EPB41L2: variants seen among roughly 807,000 people sequenced by gnomAD.
EPB41L2 encodes the protein erythrocyte membrane protein band 4.1 like 2, also known as band 4.1-like protein 2.
A neutral mutation model predicts 113.0 loss-of-function variants in EPB41L2; 43 were observed. The ratio of observed to expected loss-of-function variants is 0.38; its 90% CI spans 0.30 to 0.49. EPB41L2 has a LOEUF of 0.49. EPB41L2 is among the 20% of genes least tolerant of loss of function. EPB41L2 has a pLI of 0.95. For missense variants in EPB41L2, 1,147 were observed against 1,223.4 expected, an observed-to-expected ratio of 0.94 and a Z score of 0.93; for synonymous variants, 442 against 436.7, an observed-to-expected ratio of 1.01 and a Z score of -0.15.
chr6:131,008,413 G>T (rs1786104877), intron 1 of EPB41L2, among the ~76,000 whole-genome samples: 1 of 152,272 alleles, frequency 6.6e-6, no homozygotes, highest in Admixed American at 6.5e-5. Flanking sequence ...TGTCTAGGCA[G>T]AAGTTTGCTG....
At chr6:130,874,309 A>G (rs1786774296) in intron 14 of EPB41L2, among the ~76,000 whole-genome samples, 2 of 152,106 alleles carry the variant, frequency 1.3e-5, no homozygotes, top group Non-Finnish European at 2.9e-5. Context: ...AAAAAGCTAT[A>G]AAAGCCCATA....
At chr6:130,972,073 C>T in intron 1 of EPB41L2, among the ~76,000 whole-genome samples, 1 of 152,080 alleles carries the variant, frequency 6.6e-6, no homozygotes. Context: ...CCTGTAACAC[C>T]AGAATTTTGT....
chr6:130,848,260 G>A (rs187820191), intron 19 of EPB41L2, among the ~76,000 whole-genome samples: 30 of 146,512 alleles, frequency 2.0e-4, no homozygotes, highest in African/African-American at 7.3e-4. Flanking sequence ...AAACTGCATC[G>A]TGCCATATTA....
At chr6:131,047,570 A>C (rs568791309) in intron 1 of EPB41L2, among the ~76,000 whole-genome samples, 18 of 152,346 alleles carry the variant, frequency 1.2e-4, no homozygotes, top group African/African-American at 4.3e-4. Flanking sequence ...CACTTCGACC[A>C]TTAAGTGATT....
At chr6:130,894,498 A>G in intron 9 of EPB41L2, 57 bp from the exon 10 acceptor site, 1 of 1,483,550 alleles carries the variant, frequency 6.7e-7, no homozygotes, top group Non-Finnish European at 9.4e-7. Context: ...ACTAGAAGTT[A>G]CTGAAAAGCA....
intron 3 of EPB41L2, among the ~76,000 whole-genome samples, chr6:130,945,165 A>G (rs1333314749): frequency 6.6e-6 from 1 of 152,172 alleles, no homozygotes; most frequent in Non-Finnish European, 1.5e-5. Context: ...CAGATCCTCT[A>G]CAAATATGTA....
At chr6:131,048,078 C>T (rs571207382) in intron 1 of EPB41L2, among the ~76,000 whole-genome samples, 2 of 134,224 alleles carry the variant, frequency 1.5e-5, no homozygotes, top group Non-Finnish European at 3.0e-5. Context: ...GCAGAGGTTG[C>T]AGTGAGCCGA....
At chr6:130,851,540 T>C (rs1383004741) in intron 19 of EPB41L2, among the ~76,000 whole-genome samples, 1 of 152,214 alleles carries the variant, frequency 6.6e-6, no homozygotes, top group Non-Finnish European at 1.5e-5. Flanking sequence ...AGTGGCTCCA[T>C]GACACCTAAT....
rs188174534 is a variant in EPB41L2 at position 131,009,312 on chromosome 6, T to A, written c.-14-52813A>T. ...GCTGCCTTCCACCATGATTGTAAGCTTCCTGAGGCCTCCCCAGCCATGTGG... is the reference window on the plus strand; with the variant it reads ...GCTGCCTTCCACCATGATTGTAAGCATCCTGAGGCCTCCCCAGCCATGTGG... On this transcript the variant is annotated intron_variant, in intron 1 of 19. Coordinates refer to ENST00000337057, the MANE Select transcript of EPB41L2 (RefSeq NM_001431.4). Among the ~76,000 whole-genome samples the A allele has an allele frequency of 4.1e-4, 63 of 152,290 alleles. 1 individual carries two copies. In the East Asian group the frequency reaches 9.8e-3, roughly 24 times the overall value.
intron 1 of EPB41L2, among the ~76,000 whole-genome samples, chr6:130,983,266 A>G (rs917458189): frequency 1.3e-5 from 2 of 152,250 alleles, no homozygotes; most frequent in Non-Finnish European, 2.9e-5. Context: ...ATTTAATGTT[A>G]CTGGCTAGAT....
intron 1 of EPB41L2, among the ~76,000 whole-genome samples, chr6:131,061,236 C>T (rs1387203172): frequency 6.6e-6 from 1 of 152,176 alleles, no homozygotes; most frequent in Non-Finnish European, 1.5e-5. Context: ...TCTGTCTGCA[C>T]ACAAGACCAC....
rs182223383 is a variant in EPB41L2, at chr6:131,051,566, T to C, written c.-15+11589A>G. 2.0e-4 allele frequency among the ~76,000 whole-genome samples: 30 copies of C among 151,718 alleles called. No individual in the cohort carries two copies. The East Asian group carries it at 4.6e-3, about 24-fold the overall frequency. On this transcript the variant is annotated intron_variant, in intron 1 of 19. Transcript: ENST00000337057. ...ATGGAAAGCAGATGTACAAAGTAACTGACTTAGCAGAGCAGAGGAAGCAGA... is the reference window on the plus strand; with the variant it reads ...ATGGAAAGCAGATGTACAAAGTAACCGACTTAGCAGAGCAGAGGAAGCAGA...
chr6:130,951,385 C>T (rs1235088813), intron 3 of EPB41L2, among the ~76,000 whole-genome samples: 8 of 129,482 alleles, frequency 6.2e-5, no homozygotes, highest in South Asian at 5.1e-4. Context: ...AGTACAGTGG[C>T]GCAACCTTGG....
At chr6:130,840,989 C>T (rs1415557660) in intron 19 of EPB41L2, among the ~76,000 whole-genome samples, 2 of 151,980 alleles carry the variant, frequency 1.3e-5, no homozygotes, top group African/African-American at 4.8e-5. Context: ...GGAAATGGTG[C>T]TTCAGGTGGA....
At chr6:130,967,051 T>G (rs1213076907) in intron 1 of EPB41L2, among the ~76,000 whole-genome samples, 2 of 151,552 alleles carry the variant, frequency 1.3e-5, no homozygotes, top group East Asian at 4.0e-4. Flanking sequence ...GCAGCAACAT[T>G]TTTTTTAAGA....
intron 1 of EPB41L2, among the ~76,000 whole-genome samples, chr6:131,018,179 T>C (rs1410891019): frequency 1.3e-5 from 2 of 152,132 alleles, no homozygotes; most frequent in African/African-American, 4.8e-5. Context: ...ACTAGCCTCC[T>C]TTTGCCCTCC....
intron 2 of EPB41L2, among the ~76,000 whole-genome samples, chr6:130,955,599 T>C (rs1295603657): frequency 6.6e-6 from 1 of 152,196 alleles, no homozygotes; most frequent in Non-Finnish European, 1.5e-5. Context: ...TAATAACATT[T>C]CCAATTAAAA....
At chr6:130,898,626 T>G (rs1795349944) in intron 8 of EPB41L2, among the ~76,000 whole-genome samples, 1 of 152,152 alleles carries the variant, frequency 6.6e-6, no homozygotes, top group Non-Finnish European at 1.5e-5. Flanking sequence ...CTTTTTGACT[T>G]ATTTCTTTAT....
intron 5 of EPB41L2, among the ~76,000 whole-genome samples, chr6:130,905,830 T>A (rs992800873): frequency 2.6e-5 from 4 of 152,216 alleles, no homozygotes; most frequent in African/African-American, 9.7e-5. Context: ...ATTTTGTCCT[T>A]TGTCTTACCA....
Sources: allele counts gnomAD v4.1 joint callset (sites outside exome capture counted in the v4.1 genomes callset), GRCh38; gene constraint gnomAD v4.1.1; transcripts MANE v1.5; gene names NCBI Gene and HGNC (gene_info 2026-07-23, HGNC 2026-07-21).